Variants in CHERP observed in about 807,000 individuals in gnomAD.
CHERP encodes the protein ERPROT 213-21.
In CHERP, 8 loss-of-function variants were observed where a neutral mutation model predicts 113.8. The ratio of observed to expected loss-of-function variants is 0.07; its 90% CI spans 0.04 to 0.13. CHERP has a LOEUF of 0.13. Among genes scored for constraint, CHERP ranks in the 10% least tolerant of loss-of-function variants. CHERP has a pLI of 1.00. For missense variants in CHERP, 884 were observed against 1,298.2 expected (o/e 0.68, Z 4.90); for synonymous variants, 559 against 524.5 (o/e 1.07, Z -0.90).
At chr19:16,529,368 C>T (rs1019066383) in intron 8 of CHERP, among the ~76,000 whole-genome samples, 1 of 152,152 alleles carries the variant, frequency 6.6e-6, no homozygotes, top group African/African-American at 2.4e-5. Flanking sequence ...GTAATAGTTA[C>T]CCTAGTCTTG....
chr19:16,526,464 A>G (rs1470962376), intron 9 of CHERP, among the ~76,000 whole-genome samples: 1 of 152,166 alleles, frequency 6.6e-6, no homozygotes, highest in Non-Finnish European at 1.5e-5. Context: ...ATCAGGAACT[A>G]CTTGTTTTTC....
At chr19:16,539,413 C>T (rs1300111252) in intron 2 of CHERP, among the ~76,000 whole-genome samples, 4 of 152,148 alleles carry the variant, frequency 2.6e-5, no homozygotes, top group African/African-American at 9.7e-5. Flanking sequence ...TCCCAAAGTG[C>T]TGGGATTACA....
At chr19:16,521,226 G>C in intron 12 of CHERP, 1 of 574,048 alleles carries the variant, frequency 1.7e-6, no homozygotes. Context: ...AGCACAGGAA[G>C]GAGGGGTGAC....
rs2085634802 is a variant in CHERP at position 16,523,369 on chromosome 19, A to C, written c.1742-79T>G. 1 of 1,543,436 alleles carries C rather than the reference A, an allele frequency of 6.5e-7. No homozygotes were observed. The highest frequency in any genetic ancestry group is 1.4e-5 in the African/African-American group (1 of 71,606). On this transcript the variant is annotated intron_variant, in intron 10 of 16. Coordinates refer to ENST00000546361, the MANE Select transcript of CHERP (RefSeq NM_006387.6). The surrounding 1 kb of genome is among the most constrained non-coding windows in gnomAD (Gnocchi z 4.0). ...GACAAGTGCTGGAGGGGAGGGGCTC[A>C]GTGAAGGGCCAGGAGACGAACCCCT...
chr19:16,525,722 T>C lies in CHERP; in HGVS notation c.1306-45A>G. 7.0e-7 allele frequency: 1 copy of C among 1,418,860 alleles called. No homozygotes were observed. The highest frequency in any genetic ancestry group is 9.3e-7 in the Non-Finnish European group (1 of 1,079,048). 87.9% of individuals were successfully genotyped at this position (1,418,860 alleles called of 1,614,324 possible). On this transcript the variant is annotated intron_variant, in intron 9 of 16. Coordinates refer to ENST00000546361, the MANE Select transcript of CHERP (RefSeq NM_006387.6). This position sits in a 1 kb window ranked among gnomAD's most constrained non-coding sequence, Gnocchi z 6.5. ...CTTGAGCCCTGCGTGGTCTAGGCCC[T>C]AGTGCTCGGCAGCATCACAGCGCTC...
rs1337461710 is a variant in CHERP at position 16,535,366 on chromosome 19, C to G, written c.384+86G>C. ...AGGGGGGGCCCTGTCCTCACTGACACCTGTTATTCATTCTGATGAGCAGAC... is the reference window on the plus strand; with the variant it reads ...AGGGGGGGCCCTGTCCTCACTGACAGCTGTTATTCATTCTGATGAGCAGAC... On this transcript the variant is annotated intron_variant, in intron 3 of 16. Transcript: ENST00000546361. The surrounding 1 kb of genome is among the most constrained non-coding windows in gnomAD (Gnocchi z 4.3). The G allele has an allele frequency of 7.0e-7, 1 of 1,431,302 alleles. No individual in the cohort carries two copies. The highest frequency in any genetic ancestry group is 2.0e-5 in the Admixed American group (1 of 50,106). The allele number at this position is 1,431,302 out of a possible 1,614,324, so 88.7% of individuals were successfully genotyped here.
rs754223858 is a variant in CHERP, at chr19:16,520,955, C to A, written c.2115-43G>T. The A allele has an allele frequency of 6.5e-7, 1 of 1,544,162 alleles. No homozygotes were observed. Among genetic ancestry groups the A allele is most frequent in the South Asian group, 1.1e-5 (1 of 89,754 alleles). ...CCGTGTGTGACCACGTGACACCCAC[C>A]CACAAGGAAGTCGTGAAAAAGTCAT... On this transcript the variant is annotated intron_variant, in intron 12 of 16. Coordinates refer to ENST00000546361, the MANE Select transcript of CHERP (RefSeq NM_006387.6). The surrounding 1 kb of genome is among the most constrained non-coding windows in gnomAD (Gnocchi z 4.0).
intron 1 of CHERP, 101 bp downstream of exon 1, chr19:16,542,245 CGAGGCCGA>C (rs2085785627): frequency 3.5e-6 from 4 of 1,152,956 alleles, no homozygotes; most frequent in Non-Finnish European, 4.6e-6. Flanking sequence ...GGCGAAGCCG[CGAGGCCGA>C]GCCCCGCCCC....
chr19:16,541,213 AACTCC>A (rs2085777188), intron 2 of CHERP: 1 of 152,158 alleles, frequency 6.6e-6, no homozygotes, highest in Non-Finnish European at 1.5e-5. Flanking sequence ...CTACCTGGCA[AACTCC>A]TAGTTATTCA....
In CHERP at chr19:16,532,704, A is replaced by C; in HGVS notation, c.568T>G (p.Cys190Gly). The change falls in exon 5 of 17, where the codon TGT (cysteine) becomes GGT (glycine). Residue 190 changes from cysteine (C) to glycine (G), a missense_variant. This residue lies in a region of CHERP where 73 missense variants were observed against 182.4 expected (regional missense o/e 0.40). Transcript: ENST00000546361. The surrounding 1 kb of genome is among the most constrained non-coding windows in gnomAD (Gnocchi z 4.4). ...MFSNAKSPPH[C>G]ELMAGHLRNR... ...CGGAGGTGGCCGGCCATCAGCTCAC[A>C]GTGCGGCGGGGACTTGGCATTGCTG... 6.2e-7 allele frequency: 1 copy of C among 1,613,508 alleles called. No homozygotes were observed. Among genetic ancestry groups the C allele is most frequent in the Non-Finnish European group, 8.5e-7 (1 of 1,179,686 alleles).
intron 12 of CHERP, 146 bp from the exon 13 acceptor site, chr19:16,521,058 G>T: frequency 2.8e-6 from 2 of 705,828 alleles, no homozygotes; most frequent in Non-Finnish European, 5.0e-6. Context: ...AGTAGAGCTT[G>T]GTTCAGTGTT....
At chr19:16,536,400 G>A (rs1237759587) in intron 2 of CHERP, among the ~76,000 whole-genome samples, 16 of 152,162 alleles carry the variant, frequency 1.1e-4, no homozygotes, top group East Asian at 1.9e-4. Context: ...CTCTCTCTCC[G>A]TCTTGGGGCC....
intron 11 of CHERP, among the ~76,000 whole-genome samples, chr19:16,522,583 C>T (rs2085626924): frequency 6.6e-6 from 1 of 152,120 alleles, no homozygotes; most frequent in Non-Finnish European, 1.5e-5. Flanking sequence ...CTTGCCTCAC[C>T]TCTTGCCCTA....
At chr19:16,527,439 C>A (rs2122260626) in intron 9 of CHERP, among the ~76,000 whole-genome samples, 1 of 152,346 alleles carries the variant, frequency 6.6e-6, no homozygotes, top group Non-Finnish European at 1.5e-5. Flanking sequence ...CCTGTCCCTG[C>A]AGACAGGGAG....
rs1316061180 is a variant in CHERP at position 16,528,214 on chromosome 19, A to C, written c.1171T>G (p.Tyr391Asp). The C allele has an allele frequency of 6.2e-7, 1 of 1,601,350 alleles. No homozygotes were observed. The highest frequency in any genetic ancestry group is 1.3e-5 in the African/African-American group (1 of 74,190). Residue 391 changes from tyrosine (Y) to aspartate (D), a missense_variant, in exon 9 of 17, where the codon TAC becomes GAC. Tyr to Asp is a radical substitution (Grantham distance 160, BLOSUM62 -3). Around this residue, in one of 8 missense-constraint regions of CHERP, gnomAD observed 464 missense variants for 590.1 expected, o/e 0.79. Coordinates refer to ENST00000546361, the MANE Select transcript of CHERP (RefSeq NM_006387.6). Reference sequence around the variant, plus strand: ...TCCTGGACCCCTCCTGGAGCTTCGTACTCTGAAGAGCCAGGCATCTGGATG... The same window carrying C: ...TCCTGGACCCCTCCTGGAGCTTCGTCCTCTGAAGAGCCAGGCATCTGGATG... ...PPIQMPGSSE[Y>D]EAPGGVQDPA... is the part of the protein sequence containing the mutation.
intron 12 of CHERP, 125 bp downstream of exon 12, chr19:16,521,396 C>G (rs531679510): frequency 2.5e-6 from 2 of 812,554 alleles, no homozygotes; most frequent in Admixed American, 3.0e-5. Flanking sequence ...GTCACTCAGG[C>G]GGGGGGAGGG....
chr19:16,532,841 G>T lies in CHERP; in HGVS notation c.523-92C>A. On this transcript the variant is annotated intron_variant, in intron 4 of 16. Transcript: ENST00000546361. This position sits in a 1 kb window ranked among gnomAD's most constrained non-coding sequence, Gnocchi z 4.4. ...GAGAGCGCGTCACCATCAGCTCAGG[G>T]AAGGACACACCATGAGCGTGGGGGG... is the stretch of plus-strand genomic sequence containing the variant. The T allele has an allele frequency of 6.4e-7, 1 of 1,555,656 alleles. No individual in the cohort carries two copies.
chr19:16,520,122 A>G lies in CHERP; in HGVS notation c.2462+27T>C. ...AGCACCGCAGCTTCCCAGAGTTACC[A>G]GCGCAGCACTTAAGACAGGATCTTA... is the stretch of plus-strand genomic sequence containing the variant. On this transcript the variant is annotated intron_variant, in intron 15 of 16. Coordinates refer to ENST00000546361, the MANE Select transcript of CHERP (RefSeq NM_006387.6). This position sits in a 1 kb window ranked among gnomAD's most constrained non-coding sequence, Gnocchi z 4.0. 6.3e-7 allele frequency: 1 copy of G among 1,597,888 alleles called. No homozygotes were observed. Among genetic ancestry groups the G allele is most frequent in the Non-Finnish European group, 8.6e-7 (1 of 1,167,534 alleles).
chr19:16,533,679 GAACC>G (rs2085722171), intron 3 of CHERP, among the ~76,000 whole-genome samples: 2 of 152,058 alleles, frequency 1.3e-5, no homozygotes, highest in African/African-American at 4.8e-5. Flanking sequence ...AGGATTGCTG[GAACC>G]CAGGAGTTCA....
Sources: gnomAD v4.1 joint callset for allele counts (sites outside exome capture counted in the v4.1 genomes callset) on GRCh38, gnomAD v4.1.1 for gene constraint, gnomAD v4.1.1 regional missense constraint, Gnocchi (gnomAD v3.1) non-coding constraint, MANE v1.5 for transcripts, NCBI Gene and HGNC (gene_info 2026-07-23, HGNC 2026-07-21) for gene names.